GBP2: variants seen among roughly 807,000 people sequenced by gnomAD.
GBP2 encodes guanylate binding protein 2, also known as guanylate-binding protein 2.
GBP2 carries 54 observed loss-of-function variants against 60.8 expected under a neutral mutation model. The observed-to-expected ratio is 0.89, with a 90% CI of 0.71 to 1.11. GBP2 has a LOEUF of 1.11. GBP2 is among the 50% of genes most tolerant of loss of function. The pLI is 0.00. For missense variants in GBP2, 665 were observed against 703.3 expected (o/e 0.95, Z 0.62); for synonymous variants, 243 against 256.5 (o/e 0.95, Z 0.50).
Position 89,120,032 on chromosome 1 carries a change from T to C in GBP2, c.428+147A>G, listed in dbSNP as rs1050785249. On this transcript the variant is annotated intron_variant, in intron 4 of 10. Coordinates refer to ENST00000370466, the MANE Select transcript of GBP2 (RefSeq NM_004120.5). ...CTTGAAGTTCAGATGGAGATTGAGA[T>C]AGAATGAGATGTTCAGCATAATGAG... The C allele has an allele frequency of 2.6e-5, 16 of 613,280 alleles. 1 individual carries two copies. Among genetic ancestry groups the C allele is most frequent in the Middle Eastern group, 4.4e-4 (1 of 2,260 alleles). 38.0% of individuals were successfully genotyped at this position (613,280 alleles called of 1,614,324 possible). A position where few individuals can be genotyped will look rare whatever the true frequency, so the allele number is the denominator to read the frequency against.
intron 7 of GBP2, chr1:89,113,051 T>C (rs951882295): frequency 4.9e-5 from 13 of 262,758 alleles, no homozygotes; most frequent in Non-Finnish European, 8.9e-5. Context: ...TACACTACAC[T>C]GTGGCTTGTG....
In GBP2 at chr1:89,108,067, T is replaced by C. The variant is rs1681087899; in HGVS notation, c.*108A>G. 3.0e-6 allele frequency: 2 copies of C among 667,540 alleles called. No individual in the cohort carries two copies. Among genetic ancestry groups the C allele is most frequent in the South Asian group, 3.6e-5 (2 of 56,182 alleles). 41.4% of individuals were successfully genotyped at this position (667,540 alleles called of 1,614,324 possible). A position where few individuals can be genotyped will look rare whatever the true frequency, so the allele number is the denominator to read the frequency against. On this transcript the variant is annotated 3_prime_UTR_variant, in exon 11 of 11. Transcript: ENST00000370466. ...TGGTTCAACAAAAATGCATGCATCA[T>C]GATTTTGAGTTAAGTTTAATGGCAG...
Position 89,114,761 on chromosome 1 carries a change from G to A in GBP2, c.869-465C>T, listed in dbSNP as rs565005317. On this transcript the variant is annotated intron_variant, in intron 6 of 10. Coordinates refer to ENST00000370466, the MANE Select transcript of GBP2 (RefSeq NM_004120.5). ...CTACAGATAGGATAATCAACTCATCGAGTTTGCCAGGGCTTTGCTGGGTGT... is the reference window on the plus strand; with the variant it reads ...CTACAGATAGGATAATCAACTCATCAAGTTTGCCAGGGCTTTGCTGGGTGT... 1.2e-4 allele frequency among the ~76,000 whole-genome samples: 19 copies of A among 152,228 alleles called. No homozygotes were observed. The South Asian group carries it at 2.1e-3, about 17-fold the overall frequency.
intron 1 of GBP2, among the ~76,000 whole-genome samples, chr1:89,122,932 T>G (rs1214529046): frequency 6.6e-6 from 1 of 152,202 alleles, no homozygotes; most frequent in East Asian, 1.9e-4. Context: ...TTCTCCTCTA[T>G]TTATTTTATT....
chr1:89,107,204 AT>A lies in GBP2; in HGVS notation c.*970del, dbSNP rs554969898. ...ATTATTCTTGATTTTTCAATCTGTCATTTTTTTTTTTTTAGTAAGTCATTTA... is the reference window on the plus strand; with the variant it reads ...ATTATTCTTGATTTTTCAATCTGTCATTTTTTTTTTTTAGTAAGTCATTTA... On this transcript the variant is annotated 3_prime_UTR_variant, in exon 11 of 11. Transcript: ENST00000370466. 5.5e-3 allele frequency among the ~76,000 whole-genome samples: 798 copies of A among 144,908 alleles called. 3 individuals carry two copies. The highest frequency in any genetic ancestry group is 6.2e-3 in the Non-Finnish European group (404 of 65,530).
chr1:89,116,027 A>ATATT (rs1359938133), intron 6 of GBP2, among the ~76,000 whole-genome samples: 1 of 151,346 alleles, frequency 6.6e-6, no homozygotes, highest in Admixed American at 6.6e-5. Context: ...ATATATATAT[A>ATATT]TTGGAGACAG....
rs369936870 is a variant in GBP2, at chr1:89,108,172, C to G, written c.*3G>C. 1 of 1,585,872 alleles carries G rather than the reference C, an allele frequency of 6.3e-7. No homozygotes were observed. Among genetic ancestry groups the G allele is most frequent in the African/African-American group, 1.3e-5 (1 of 74,248 alleles). ...GGACAGGCAAATTTTGCTCCTTGGACTTTTAGAGTATGTTACATATTGGCT... is the reference window on the plus strand; with the variant it reads ...GGACAGGCAAATTTTGCTCCTTGGAGTTTTAGAGTATGTTACATATTGGCT... On this transcript the variant is annotated 3_prime_UTR_variant, in exon 11 of 11. Coordinates refer to ENST00000370466, the MANE Select transcript of GBP2 (RefSeq NM_004120.5).
At chr1:89,122,994 T>G (rs540703601) in intron 1 of GBP2, among the ~76,000 whole-genome samples, 55 of 150,210 alleles carry the variant, frequency 3.7e-4, no homozygotes, top group Non-Finnish European at 7.1e-4. Flanking sequence ...TAGATCAGTG[T>G]AGATTTATCA....
rs150427687 is a variant in GBP2, at chr1:89,112,835, C to G, written c.1150-151G>C. 1.2e-4 allele frequency: 73 copies of G among 614,896 alleles called. No individual in the cohort carries two copies. In the African/African-American group the frequency reaches 1.2e-3, roughly 10 times the overall value. 38.1% of individuals were successfully genotyped at this position (614,896 alleles called of 1,614,324 possible). On this transcript the variant is annotated intron_variant, in intron 7 of 10. Coordinates refer to ENST00000370466, the MANE Select transcript of GBP2 (RefSeq NM_004120.5). ...ATTGCTGTTAGATCCTAGAATATCC[C>G]TAAGTTGTGCTTATTGCAGAAATTT...
At chr1:89,108,578 T>C (rs978438905) in intron 10 of GBP2, among the ~76,000 whole-genome samples, 3 of 152,186 alleles carry the variant, frequency 2.0e-5, no homozygotes, top group African/African-American at 7.2e-5. Flanking sequence ...TCTTGTTCTT[T>C]TTGTTGTTGT....
Position 89,107,672 on chromosome 1 carries a change from A to C in GBP2, c.*503T>G, listed in dbSNP as rs1456066201. Reference sequence around the variant, plus strand: ...GCAGCCAGCATGCCATACAAAGACCACTTGGCAGGAGTGATGCTCTACTGT... The same window carrying C: ...GCAGCCAGCATGCCATACAAAGACCCCTTGGCAGGAGTGATGCTCTACTGT... On this transcript the variant is annotated 3_prime_UTR_variant, in exon 11 of 11. Coordinates refer to ENST00000370466, the MANE Select transcript of GBP2 (RefSeq NM_004120.5). 6.6e-6 allele frequency among the ~76,000 whole-genome samples: 1 copy of C among 152,140 alleles called. No individual in the cohort carries two copies. The highest frequency in any genetic ancestry group is 1.5e-5 in the Non-Finnish European group (1 of 68,010).
At chr1:89,114,412 T>C (rs1419462725) in intron 6 of GBP2, 116 bp from the exon 7 acceptor site, 3 of 1,218,936 alleles carry the variant, frequency 2.5e-6, no homozygotes, top group Non-Finnish European at 3.4e-6. Flanking sequence ...GGATAAAGAA[T>C]AGTAATGGAA....
intron 1 of GBP2, among the ~76,000 whole-genome samples, chr1:89,124,395 T>C (rs1431997723): frequency 6.6e-6 from 1 of 152,226 alleles, no homozygotes; most frequent in Non-Finnish European, 1.5e-5. Flanking sequence ...GGATTTTTTT[T>C]CTAGATATGT....
chr1:89,121,368 A>C (rs1681393624), intron 2 of GBP2, 98 bp from the exon 3 acceptor site: 2 of 1,088,236 alleles, frequency 1.8e-6, no homozygotes, highest in Non-Finnish European at 2.6e-6. Flanking sequence ...AAGAGATAAA[A>C]GAAAATACAA....
In GBP2 at chr1:89,106,326, T is replaced by C. The variant is rs1570313281; in HGVS notation, c.*1849A>G. The C allele has an allele frequency of 2.0e-5, 3 of 152,310 alleles. No individual in the cohort carries two copies. The South Asian group carries it at 6.2e-4, about 32-fold the overall frequency. The allele number at this position is 152,310 out of a possible 1,614,324, so 9.4% of individuals were successfully genotyped here. A position where few individuals can be genotyped will look rare whatever the true frequency, so the allele number is the denominator to read the frequency against. ...TGAAAGGTAAGAGCAATAACTAAAC[T>C]GAGGCATAAACAAGATAGATCTTAA... On this transcript the variant is annotated 3_prime_UTR_variant, in exon 11 of 11. Transcript: ENST00000370466.
Position 89,116,975 on chromosome 1 carries a change from TAGAG to T in GBP2, c.868+13_868+16del. 6.2e-7 allele frequency: 1 copy of T among 1,613,322 alleles called. No homozygotes were observed. The highest frequency in any genetic ancestry group is 8.5e-7 in the Non-Finnish European group (1 of 1,179,346). On this transcript the variant is annotated intron_variant, in intron 6 of 10. Coordinates refer to ENST00000370466, the MANE Select transcript of GBP2 (RefSeq NM_004120.5). ...GGAGAAAGTCCAGGTAGGAAGTGGGTAGAGAGAGTGACTCACGAGGCCCATTGAC... is the reference window on the plus strand; with the variant it reads ...GGAGAAAGTCCAGGTAGGAAGTGGGTAGAGTGACTCACGAGGCCCATTGAC...
In GBP2 at chr1:89,114,022, T is replaced by C. The variant is rs1366579196; in HGVS notation, c.1143A>G (p.Lys381=). 14 of 1,614,222 alleles carry C rather than the reference T, an allele frequency of 8.7e-6. No individual in the cohort carries two copies. Among genetic ancestry groups the C allele is most frequent in the Non-Finnish European group, 1.2e-5 (14 of 1,180,020 alleles). The stretch of plus-strand genomic sequence containing the variant: ...CGTAGAACACCAAATATACCCCTAA[T>C]TTCCTCTGGAACATTTGGTCCACAT... ...FKDVDQMFQR[K]LGAQLEARRD... Residue 381 remains lysine, a synonymous_variant, in exon 7 of 11, where the codon AAA becomes AAG. Coordinates refer to ENST00000370466, the MANE Select transcript of GBP2 (RefSeq NM_004120.5).
Position 89,108,230 on chromosome 1 carries a change from A to G in GBP2, c.1721T>C (p.Ile574Thr). 1.9e-6 allele frequency: 3 copies of G among 1,613,630 alleles called. No individual in the cohort carries two copies. Among genetic ancestry groups the G allele is most frequent in the Non-Finnish European group, 2.5e-6 (3 of 1,179,788 alleles). The stretch of plus-strand genomic sequence containing the variant: ...TTTGCTTCTCATCTGGATATCCCAT[A>G]TGTCTTTTTGAAGTCTCTTGCTCTC... ...ENESKRLQKD[I>T]WDIQMRSKSL... The change falls in exon 11 of 11, where the codon ATA becomes ACA. Residue 574 changes from isoleucine (I) to threonine (T), a missense_variant. By Grantham distance (89) the Ile-to-Thr change is moderately conservative. Coordinates refer to ENST00000370466, the MANE Select transcript of GBP2 (RefSeq NM_004120.5).
chr1:89,117,158 G>A lies in GBP2; in HGVS notation c.702C>T (p.Phe234=), dbSNP rs773133578. ...IRKFFPKRKC[F]VFDWPAPKKY... ...TCTTAGGAGCGGGCCAATCGAAGAC[G>A]AAGCACTTCCTCTTGGGGAAGAACT... Residue 234 remains phenylalanine, a synonymous_variant, in exon 6 of 11, where the codon TTC becomes TTT. Coordinates refer to ENST00000370466, the MANE Select transcript of GBP2 (RefSeq NM_004120.5). 3.7e-6 allele frequency: 6 copies of A among 1,614,180 alleles called. No individual in the cohort carries two copies. The highest frequency in any genetic ancestry group is 2.2e-5 in the South Asian group (2 of 91,086).
Sources: allele counts gnomAD v4.1 joint callset (sites outside exome capture counted in the v4.1 genomes callset), GRCh38; gene constraint gnomAD v4.1.1; transcripts MANE v1.5; gene names NCBI Gene and HGNC (gene_info 2026-07-23, HGNC 2026-07-21).